CPVL: variants seen among roughly 807,000 people sequenced by gnomAD.
CPVL encodes carboxypeptidase vitellogenic like.
A neutral mutation model predicts 63.7 loss-of-function variants in CPVL; 51 were observed. The ratio of observed to expected loss-of-function variants is 0.80; its 90% CI spans 0.64 to 1.01. CPVL has a LOEUF of 1.01. Ranked by LOEUF, CPVL falls within the 50% of genes least tolerant of loss-of-function variation. CPVL has a pLI of 0.00. For missense variants in CPVL, 530 were observed against 573.1 expected (o/e 0.92, Z 0.77); for synonymous variants, 195 against 206.0 (o/e 0.95, Z 0.46).
At chr7:29,030,524 T>G in intron 12 of CPVL, 53 bp downstream of exon 12, 3 of 1,548,858 alleles carry the variant, frequency 1.9e-6, no homozygotes, top group Non-Finnish European at 2.6e-6. Context: ...GGCTTTATTT[T>G]CAATCCCGCT....
intron 11 of CPVL, among the ~76,000 whole-genome samples, chr7:29,044,726 G>A (rs1183860575): frequency 3.3e-5 from 5 of 152,112 alleles, no homozygotes; most frequent in Admixed American, 2.0e-4. Context: ...TTCTCGATTT[G>A]TCTTTTCAAA....
chr7:29,042,091 T>G (rs1584075439), intron 11 of CPVL, among the ~76,000 whole-genome samples: 1 of 152,000 alleles, frequency 6.6e-6, no homozygotes, highest in Middle Eastern at 3.4e-3. Flanking sequence ...GTAAGTAACT[T>G]CCAAGGACAG....
At chr7:29,128,175 G>T (rs1266055417) in intron 1 of CPVL, 4 of 139,690 alleles carry the variant, frequency 2.9e-5, no homozygotes, top group African/African-American at 5.3e-5. Flanking sequence ...AAAGTTAAGA[G>T]TTTTTTTTTT....
intron 6 of CPVL, among the ~76,000 whole-genome samples, chr7:29,089,614 C>T (rs962061257): frequency 2.6e-5 from 4 of 152,128 alleles, no homozygotes; most frequent in Non-Finnish European, 5.9e-5. Flanking sequence ...TGGCAACACC[C>T]AGGCGTTACC....
At chr7:29,159,316 T>C (rs1794859320) in intron 5 of CPVL, among the ~76,000 whole-genome samples, 1 of 152,184 alleles carries the variant, frequency 6.6e-6, no homozygotes, top group Non-Finnish European at 1.5e-5. Flanking sequence ...AGAAGCAGAA[T>C]AAGGGTTGAA....
chr7:29,174,894 C>G (rs1797083305), intron 5 of CPVL, among the ~76,000 whole-genome samples: 1 of 148,964 alleles, frequency 6.7e-6, no homozygotes, highest in Non-Finnish European at 1.5e-5. Flanking sequence ...TAGAGAGATA[C>G]AGGAACAAGA....
chr7:29,082,415 T>A (rs1252851917), intron 7 of CPVL: 1 of 152,192 alleles, frequency 6.6e-6, no homozygotes, highest in Non-Finnish European at 1.5e-5. Flanking sequence ...TCCAAATGAT[T>A]AATCCAGAAC....
chr7:29,146,247 C>G, intron 1 of CPVL, 182 bp downstream of exon 1: 1 of 222,938 alleles, frequency 4.5e-6, no homozygotes, highest in Non-Finnish European at 8.8e-6. Flanking sequence ...CCCCAATGCT[C>G]CAATTTGAAC....
chr7:29,098,660 C>T (rs1295421332), intron 3 of CPVL, among the ~76,000 whole-genome samples: 1 of 152,226 alleles, frequency 6.6e-6, no homozygotes, highest in East Asian at 1.9e-4. Context: ...AGCATGGAAG[C>T]TCTTGCCCCA....
chr7:29,193,394 C>A (rs1212472885), intron 1 of CPVL: 1 of 152,136 alleles, frequency 6.6e-6, no homozygotes, highest in Non-Finnish European at 1.5e-5. Flanking sequence ...TTCTGTGTCA[C>A]TCCTGATAAT....
chr7:29,067,576 G>A (rs867457778), intron 9 of CPVL, among the ~76,000 whole-genome samples: 1 of 152,190 alleles, frequency 6.6e-6, no homozygotes, highest in Non-Finnish European at 1.5e-5. Context: ...CATCAGGGGA[G>A]AGCCAGGTTT....
rs189652568 is a variant in CPVL at position 29,162,530 on chromosome 7, G to A, written c.-11+18760C>T. Among the ~76,000 whole-genome samples, 380 of 152,028 alleles carry A rather than the reference G, an allele frequency of 2.5e-3. 2 individuals are homozygous for A. Among genetic ancestry groups the A allele is most frequent in the African/African-American group, 8.1e-3 (335 of 41,480 alleles). ...TACAAAATTAGCTGGGCATGGTGGC[G>A]CATGCCTGTAATCCCAACTACTTGG... is the stretch of plus-strand genomic sequence containing the variant. On this transcript the variant is annotated intron_variant, in intron 5 of 16. Coordinates refer to the CPVL transcript ENST00000409850.
At chr7:29,132,550 T>C (rs1393005644) in intron 1 of CPVL, among the ~76,000 whole-genome samples, 1 of 152,132 alleles carries the variant, frequency 6.6e-6, no homozygotes, top group Non-Finnish European at 1.5e-5. Flanking sequence ...TGCTTTTCTC[T>C]CTAAACCCTG....
At chr7:29,106,278 G>C (rs1015634508) in intron 3 of CPVL, among the ~76,000 whole-genome samples, 5 of 152,168 alleles carry the variant, frequency 3.3e-5, no homozygotes, top group African/African-American at 9.7e-5. Flanking sequence ...CTAGTGAGAG[G>C]GCTGCAGAGA....
chr7:29,116,006 A>T (rs1315043660), intron 2 of CPVL, among the ~76,000 whole-genome samples: 1 of 152,152 alleles, frequency 6.6e-6, no homozygotes, highest in East Asian at 1.9e-4. Flanking sequence ...GGAGGTTGGA[A>T]AGTGGGGAAT....
intron 12 of CPVL, among the ~76,000 whole-genome samples, chr7:29,007,965 T>C (rs75686131): frequency 3.0e-3 from 450 of 151,992 alleles, no homozygotes; most frequent in African/African-American, 0.01. Flanking sequence ...AATTAAAGAG[T>C]TGAAGTGTGA....
At chr7:29,143,148 T>G (rs1004287236) in intron 1 of CPVL, among the ~76,000 whole-genome samples, 2 of 152,210 alleles carry the variant, frequency 1.3e-5, no homozygotes, top group African/African-American at 4.8e-5. Flanking sequence ...CGATGAAATT[T>G]AATGTCCTCC....
chr7:29,141,274 G>A (rs192223286), intron 1 of CPVL, among the ~76,000 whole-genome samples: 41 of 152,322 alleles, frequency 2.7e-4, no homozygotes, highest in African/African-American at 7.2e-4. Context: ...CCCTCAGACC[G>A]GGCACGGTGG....
At chr7:29,138,413 C>G (rs1445504917) in intron 1 of CPVL, among the ~76,000 whole-genome samples, 1 of 152,130 alleles carries the variant, frequency 6.6e-6, no homozygotes. Flanking sequence ...GCACTCCAGC[C>G]TGGGCAAAAG....
Sources: gnomAD v4.1 joint callset for allele counts (sites outside exome capture counted in the v4.1 genomes callset) on GRCh38, gnomAD v4.1.1 for gene constraint, MANE v1.5 for transcripts, NCBI Gene and HGNC (gene_info 2026-07-23, HGNC 2026-07-21) for gene names.